Variants in DNAJC1 observed in about 807,000 individuals in gnomAD.
The protein encoded by DNAJC1 is DnaJ heat shock protein family (Hsp40) member C1, also known as dnaJ homolog subfamily C member 1.
In DNAJC1, 58 loss-of-function variants were observed where a neutral mutation model predicts 76.6. That is an observed-to-expected ratio of 0.76 (90% CI 0.61 to 0.94). The LOEUF (loss-of-function observed/expected upper bound fraction) is 0.94. Ranked by LOEUF, DNAJC1 falls within the 40% of genes least tolerant of loss-of-function variation. DNAJC1 has a pLI of 0.00. For synonymous variants in DNAJC1, 258 were observed against 267.9 expected (o/e 0.96, Z 0.36); for missense variants, 689 against 677.3 (o/e 1.02, Z -0.19).
At chr10:21,927,322 A>G (rs1837144762) in intron 3 of DNAJC1, among the ~76,000 whole-genome samples, 1 of 152,238 alleles carries the variant, frequency 6.6e-6, no homozygotes, top group Non-Finnish European at 1.5e-5. Flanking sequence ...AATGGTAGCT[A>G]ACATTTTAGG....
intron 8 of DNAJC1, among the ~76,000 whole-genome samples, chr10:21,822,267 C>T (rs915558963): frequency 3.3e-5 from 5 of 151,928 alleles, no homozygotes; most frequent in Non-Finnish European, 5.9e-5. Context: ...GGTGAAACCC[C>T]ATCTCTACTA....
At chr10:21,790,959 C>CT (rs1170953526) in intron 9 of DNAJC1, among the ~76,000 whole-genome samples, 2 of 151,966 alleles carry the variant, frequency 1.3e-5, no homozygotes, top group Non-Finnish European at 2.9e-5. Context: ...TATGAGTCAA[C>CT]TATACTATAT....
In DNAJC1 at chr10:21,769,115, T is replaced by G. The variant is rs184935381; in HGVS notation, c.1099-2806A>C. The stretch of plus-strand genomic sequence containing the variant: ...TCCCTAATAGAAGTGTTCCTCAACA[T>G]TCTACCCTTGCCATTCATGTTCTTT... On this transcript the variant is annotated intron_variant, in intron 9 of 11. Transcript: ENST00000376980. Among the ~76,000 whole-genome samples the G allele has an allele frequency of 4.9e-3, 752 of 152,332 alleles. 1 individual carries two copies. Among genetic ancestry groups the G allele is most frequent in the Non-Finnish European group, 7.7e-3 (527 of 68,020 alleles).
intron 6 of DNAJC1, among the ~76,000 whole-genome samples, chr10:21,911,567 C>G (rs1409415656): frequency 6.6e-6 from 1 of 152,106 alleles, no homozygotes; most frequent in Non-Finnish European, 1.5e-5. Context: ...TGGTCTGAGA[C>G]TGTAATATTC....
intron 9 of DNAJC1, among the ~76,000 whole-genome samples, chr10:21,768,200 T>C (rs1834324318): frequency 6.6e-6 from 1 of 152,252 alleles, no homozygotes; most frequent in Non-Finnish European, 1.5e-5. Context: ...TTTCCATTTA[T>C]TTAAAATATG....
In DNAJC1 at chr10:21,816,837, G is replaced by A. The variant is rs1241963164; in HGVS notation, c.979-10738C>T. ...TGGGATTACAGGCATAAGCCACCAC[G>A]CCCGGCCGAGACTCTGTCTCTTAAA... On this transcript the variant is annotated intron_variant, in intron 8 of 11. Coordinates refer to ENST00000376980, the MANE Select transcript of DNAJC1 (RefSeq NM_022365.4). Among the ~76,000 whole-genome samples the A allele has an allele frequency of 3.7e-5, 5 of 134,964 alleles. No homozygotes were observed. In the East Asian group the frequency reaches 1.0e-3, roughly 28 times the overall value. 88.5% of individuals were successfully genotyped at this position (134,964 alleles called of 152,430 possible).
chr10:21,927,484 G>T (rs1837148177), intron 3 of DNAJC1, among the ~76,000 whole-genome samples: 1 of 152,076 alleles, frequency 6.6e-6, no homozygotes, highest in South Asian at 2.1e-4. Context: ...GCCAGGTGTT[G>T]TTTTGTTTTG....
intron 1 of DNAJC1, among the ~76,000 whole-genome samples, chr10:21,971,843 T>C (rs1396825035): frequency 1.3e-5 from 2 of 151,898 alleles, no homozygotes; most frequent in East Asian, 3.8e-4. Flanking sequence ...ACTGATGGAA[T>C]AACTGGAGGA....
chr10:21,860,924 T>C (rs1179794366), intron 8 of DNAJC1: 1 of 152,126 alleles, frequency 6.6e-6, no homozygotes, highest in Non-Finnish European at 1.5e-5. Context: ...AAACCACAGA[T>C]ACAAATTCAA....
chr10:21,907,645 CAT>C (rs1013473531), intron 6 of DNAJC1, among the ~76,000 whole-genome samples: 13 of 152,142 alleles, frequency 8.5e-5, no homozygotes, highest in African/African-American at 2.9e-4. Context: ...TAAACTACTG[CAT>C]ATGATTCCAG....
At chr10:21,972,270 TAACA>T (rs1037347644) in intron 1 of DNAJC1, among the ~76,000 whole-genome samples, 33 of 152,076 alleles carry the variant, frequency 2.2e-4, no homozygotes, top group African/African-American at 6.7e-4. Context: ...TGCAAACAAG[TAACA>T]AACAATCTGC....
intron 8 of DNAJC1, among the ~76,000 whole-genome samples, chr10:21,862,107 G>A (rs1398721445): frequency 1.3e-5 from 2 of 151,790 alleles, no homozygotes; most frequent in African/African-American, 2.4e-5. Flanking sequence ...TAGTAGAGAC[G>A]GGGTTTCTCC....
chr10:21,767,448 G>A (rs1219422713), intron 9 of DNAJC1, among the ~76,000 whole-genome samples: 1 of 152,104 alleles, frequency 6.6e-6, no homozygotes, highest in East Asian at 1.9e-4. Flanking sequence ...TTGTTTGTTT[G>A]TTTGTTTTTA....
intron 1 of DNAJC1, among the ~76,000 whole-genome samples, chr10:21,970,404 TA>T (rs1218040888): frequency 6.6e-6 from 1 of 151,880 alleles, no homozygotes; most frequent in African/African-American, 2.4e-5. Context: ...AATATGACTT[TA>T]AAAAAACCAA....
intron 7 of DNAJC1, among the ~76,000 whole-genome samples, chr10:21,887,700 CTG>C (rs1361326148): frequency 6.6e-6 from 1 of 152,156 alleles, no homozygotes. Context: ...AAGATTGAAA[CTG>C]GACCCCTTCT....
intron 6 of DNAJC1, among the ~76,000 whole-genome samples, chr10:21,906,528 T>C (rs150572560): frequency 0.01 from 1,593 of 151,888 alleles, 25 homozygotes; most frequent in African/African-American, 0.037. Flanking sequence ...TTGAGGGGAG[T>C]AGGAAATGTG....
intron 6 of DNAJC1, among the ~76,000 whole-genome samples, chr10:21,917,058 A>G (rs534016220): frequency 2.4e-4 from 37 of 152,254 alleles, no homozygotes; most frequent in Non-Finnish European, 2.9e-4. Flanking sequence ...AATGCCTAGC[A>G]TCTCAAAACC....
chr10:21,964,645 G>C (rs921320011), intron 1 of DNAJC1, among the ~76,000 whole-genome samples: 4 of 150,004 alleles, frequency 2.7e-5, no homozygotes, highest in Non-Finnish European at 5.9e-5. Context: ...CTTTGCATCT[G>C]CTAATCATTT....
At chr10:21,839,428 G>A (rs1226313058) in intron 8 of DNAJC1, among the ~76,000 whole-genome samples, 3 of 152,138 alleles carry the variant, frequency 2.0e-5, no homozygotes, top group African/African-American at 4.8e-5. Flanking sequence ...TATCACCACT[G>A]ATCCCACAGA....
Sources: allele counts gnomAD v4.1 joint callset (sites outside exome capture counted in the v4.1 genomes callset), GRCh38; gene constraint gnomAD v4.1.1; transcripts MANE v1.5; gene names NCBI Gene and HGNC (gene_info 2026-07-23, HGNC 2026-07-21).